Variants in CLPB observed in about 807,000 individuals in gnomAD.
CLPB encodes the protein ClpB family mitochondrial disaggregase.
CLPB carries 40 observed loss-of-function variants against 78.4 expected under a neutral mutation model. That is an observed-to-expected ratio of 0.51 (90% confidence interval 0.40 to 0.66). The LOEUF is 0.66. Ranked by LOEUF, CLPB falls within the 30% of genes least tolerant of loss-of-function variation. The pLI, the probability that CLPB is intolerant of heterozygous loss-of-function variation, is 0.00. For missense variants in CLPB, 780 were observed against 886.9 expected (o/e 0.88, Z 1.53); for synonymous variants, 333 against 348.0 (o/e 0.96, Z 0.48).
intron 14 of CLPB, 62 bp downstream of exon 14, chr11:72,294,263 C>T: frequency 6.2e-7 from 1 of 1,613,448 alleles, no homozygotes; most frequent in East Asian, 2.2e-5. Flanking sequence ...GCCCCCAGTC[C>T]AGTGTTCCAG....
intron 12 of CLPB, 108 bp from the exon 13 acceptor site, chr11:72,294,801 T>C: frequency 1.1e-6 from 1 of 940,018 alleles, no homozygotes; most frequent in South Asian, 1.3e-5. Flanking sequence ...TGTCCATCTG[T>C]GTGGTCCTGG....
In CLPB at chr11:72,292,557, C is replaced by G. The variant is rs1949468139; in HGVS notation, c.*810G>C. On this transcript the variant is annotated 3_prime_UTR_variant, in exon 16 of 16. Transcript: ENST00000538039. ...GAGGTCAAACCCATGATCTCTCTTC[C>G]TACAGCTTCCTAATGTCTGCGATGT... 6.6e-6 allele frequency: 1 copy of G among 152,342 alleles called. No homozygotes were observed. The highest frequency in any genetic ancestry group is 1.5e-5 in the Non-Finnish European group (1 of 68,158). The allele number at this position is 152,342 out of a possible 1,614,324, so 9.4% of individuals were successfully genotyped here. A position where few individuals can be genotyped will look rare whatever the true frequency, so the allele number is the denominator to read the frequency against.
intron 5 of CLPB, among the ~76,000 whole-genome samples, chr11:72,338,852 C>T (rs1431891629): frequency 6.6e-6 from 1 of 152,194 alleles, no homozygotes. Context: ...TCAGGATGAC[C>T]TATTTGCTCA....
chr11:72,309,952 G>A (rs1949815022), intron 7 of CLPB, among the ~76,000 whole-genome samples: 1 of 152,196 alleles, frequency 6.6e-6, no homozygotes, highest in Non-Finnish European at 1.5e-5. Context: ...TATACTGTGT[G>A]GTTGGATTTC....
intron 4 of CLPB, among the ~76,000 whole-genome samples, chr11:72,371,762 C>T (rs1052251925): frequency 6.6e-6 from 1 of 151,970 alleles, no homozygotes; most frequent in Non-Finnish European, 1.5e-5. Context: ...TACTCACATT[C>T]AATTGCACTC....
chr11:72,403,144 T>G, intron 2 of CLPB, 92 bp from the exon 3 acceptor site: 1 of 1,180,998 alleles, frequency 8.5e-7, no homozygotes, highest in Non-Finnish European at 1.3e-6. Context: ...ATATTTTCAG[T>G]GTATGGCTTA....
chr11:72,408,106 C>A (rs1417558056), intron 2 of CLPB: 18 of 1,533,120 alleles, frequency 1.2e-5, no homozygotes, highest in Non-Finnish European at 1.5e-5. Context: ...ACCTGAGGGG[C>A]CATTCAGAGG....
At position 72,427,297 on chromosome 11, in the gene CLPB, A is replaced by G. The variant is rs1856413869; in HGVS notation, c.455+3015T>C. ...GGTCAAGTAGAGGCAGACACAGTACAGAGCCCCAGAGAGGTCAAGTGGGGA... is the reference window on the plus strand; with the variant it reads ...GGTCAAGTAGAGGCAGACACAGTACGGAGCCCCAGAGAGGTCAAGTGGGGA... On this transcript the variant is annotated intron_variant, in intron 2 of 15. Coordinates refer to ENST00000538039, the MANE Select transcript of CLPB (RefSeq NM_001258392.3). Among the ~76,000 whole-genome samples the G allele has an allele frequency of 1.3e-5, 2 of 152,220 alleles. 1 individual carries two copies. Among genetic ancestry groups the G allele is most frequent in the South Asian group, 4.1e-4 (2 of 4,828 alleles).
At chr11:72,346,278 G>A (rs140799739) in intron 5 of CLPB, among the ~76,000 whole-genome samples, 35 of 152,202 alleles carry the variant, frequency 2.3e-4, no homozygotes, top group African/African-American at 8.0e-4. Flanking sequence ...ATCATCCTTA[G>A]TGCATTCACG....
chr11:72,429,959 G>T (rs1445930193), intron 2 of CLPB, among the ~76,000 whole-genome samples: 1 of 152,196 alleles, frequency 6.6e-6, no homozygotes, highest in East Asian at 1.9e-4. Context: ...CCTGCAACCT[G>T]TCCAGGCAGC....
At position 72,380,483 on chromosome 11, in the gene CLPB, G is replaced by C. The variant is rs555737707; in HGVS notation, c.543-99C>G. 5.8e-6 allele frequency: 5 copies of C among 855,932 alleles called. No individual in the cohort carries two copies. The African/African-American group carries it at 8.4e-5, about 14-fold the overall frequency. 53.0% of individuals were successfully genotyped at this position (855,932 alleles called of 1,614,324 possible). The stretch of plus-strand genomic sequence containing the variant: ...ATGTTTGGGGACTGGAGCTGTCTCT[G>C]CTCATGTGAGTGATACGGTGGGAAA... On this transcript the variant is annotated intron_variant, in intron 3 of 15. Transcript: ENST00000538039.
chr11:72,305,613 C>T (rs749361452), intron 9 of CLPB, among the ~76,000 whole-genome samples: 1 of 152,226 alleles, frequency 6.6e-6, no homozygotes. Flanking sequence ...AGAATGGTTG[C>T]TCCAGAGCTC....
intron 6 of CLPB, among the ~76,000 whole-genome samples, chr11:72,328,408 CAT>C (rs1267839215): frequency 1.3e-5 from 2 of 152,240 alleles, no homozygotes; most frequent in African/African-American, 4.8e-5. Flanking sequence ...CATAGACAAT[CAT>C]ATGTTGCCTA....
At chr11:72,328,421 G>A (rs1365128195) in intron 6 of CLPB, among the ~76,000 whole-genome samples, 1 of 152,164 alleles carries the variant, frequency 6.6e-6, no homozygotes, top group Non-Finnish European at 1.5e-5. Context: ...ATGTTGCCTA[G>A]AACATTAGAA....
At chr11:72,296,372 C>T (rs973161616) in intron 11 of CLPB, among the ~76,000 whole-genome samples, 3 of 152,178 alleles carry the variant, frequency 2.0e-5, no homozygotes, top group Admixed American at 6.5e-5. Context: ...TTGGAATCTT[C>T]AGCTCTTTCT....
chr11:72,298,191 C>T (rs1949590929), intron 11 of CLPB, among the ~76,000 whole-genome samples: 1 of 152,068 alleles, frequency 6.6e-6, no homozygotes, highest in South Asian at 2.1e-4. Flanking sequence ...AGCAGTAGAC[C>T]TGCTTGGTGC....
rs573814432 is a variant in CLPB at position 72,300,304 on chromosome 11, G to A, written c.1329+1499C>T. Reference sequence around the variant, plus strand: ...ATACACATAAGCCTCTGAAGACAGCGAATGGCACACAAAATGCAAAATGCC... The same window carrying A: ...ATACACATAAGCCTCTGAAGACAGCAAATGGCACACAAAATGCAAAATGCC... On this transcript the variant is annotated intron_variant, in intron 11 of 15. Coordinates refer to ENST00000538039, the MANE Select transcript of CLPB (RefSeq NM_001258392.3). Among the ~76,000 whole-genome samples the A allele has an allele frequency of 4.1e-4, 62 of 152,280 alleles. No individual in the cohort carries two copies. The South Asian group carries it at 0.012, about 29-fold the overall frequency.
chr11:72,314,165 G>A (rs561419808), intron 7 of CLPB, among the ~76,000 whole-genome samples: 18 of 152,346 alleles, frequency 1.2e-4, no homozygotes, highest in African/African-American at 4.3e-4. Flanking sequence ...TATGGAATAT[G>A]CGTCATACTC....
chr11:72,419,671 G>C (rs553054436), intron 2 of CLPB, among the ~76,000 whole-genome samples: 6 of 152,230 alleles, frequency 3.9e-5, no homozygotes, highest in African/African-American at 1.4e-4. Flanking sequence ...GTAAATAAAA[G>C]TTCCTTGTGC....
Sources: gnomAD v4.1 joint callset for allele counts (sites outside exome capture counted in the v4.1 genomes callset) on GRCh38, gnomAD v4.1.1 for gene constraint, MANE v1.5 for transcripts, NCBI Gene and HGNC (gene_info 2026-07-23, HGNC 2026-07-21) for gene names.